MBP: variants seen among roughly 807,000 people sequenced by gnomAD.
MBP encodes the protein myelin basic protein.
A neutral mutation model predicts 35.8 loss-of-function variants in MBP; 16 were observed. The ratio of observed to expected loss-of-function variants is 0.45; its 90% CI spans 0.30 to 0.68. The LOEUF is 0.68. Ranked by LOEUF, MBP falls within the 30% of genes least tolerant of loss-of-function variation. The probability of loss-of-function intolerance (pLI) is 0.08; values close to 1 mark genes in which losing one functional copy is unlikely to be tolerated. For synonymous variants in MBP, 143 were observed against 159.6 expected (o/e 0.90, Z 0.78); for missense variants, 380 against 404.7 (o/e 0.94, Z 0.52).
intron 2 of MBP, among the ~76,000 whole-genome samples, chr18:77,082,819 C>T (rs1167043881): frequency 6.6e-6 from 1 of 152,268 alleles, no homozygotes; most frequent in African/African-American, 2.4e-5. Context: ...ATCCTTCCTC[C>T]CTGCAGCAGC....
intron 8 of MBP, chr18:76,981,524 A>G (rs923927309): frequency 2.0e-5 from 3 of 152,240 alleles, no homozygotes; most frequent in African/African-American, 7.2e-5. Context: ...CCAAGTACAT[A>G]CGTAGCATTA....
chr18:77,075,776 T>C (rs650801), intron 2 of MBP, among the ~76,000 whole-genome samples: 150,246 of 152,252 alleles, frequency 0.99, 74,163 homozygotes, highest in Middle Eastern at 1. Context: ...ACCGCACTAA[T>C]GGGGACTTCC....
intron 3 of MBP, 27 bp from the exon 4 acceptor site, chr18:77,017,295 C>T (rs766521186): frequency 3.3e-6 from 5 of 1,494,724 alleles, no homozygotes; most frequent in African/African-American, 1.4e-5. Flanking sequence ...GATATGAATA[C>T]GGGCCTGTGC....
At chr18:77,021,845 G>A (rs1160545794) in intron 3 of MBP, among the ~76,000 whole-genome samples, 2 of 152,130 alleles carry the variant, frequency 1.3e-5, no homozygotes, top group Non-Finnish European at 2.9e-5. Context: ...ATTTCTCAGT[G>A]TATTTCCCGG....
chr18:77,014,110 G>C, intron 4 of MBP: 1 of 985,442 alleles, frequency 1.0e-6, no homozygotes, highest in Non-Finnish European at 1.2e-6. Context: ...CACAACAAAG[G>C]AGCATGTTCT....
chr18:77,055,458 G>A (rs1973681612), intron 3 of MBP, among the ~76,000 whole-genome samples: 5 of 152,176 alleles, frequency 3.3e-5, no homozygotes, highest in Admixed American at 3.3e-4. Context: ...ATCCTCCCTG[G>A]CTGGGAAAGA....
chr18:76,995,250 T>G (rs186528103), intron 4 of MBP, among the ~76,000 whole-genome samples: 205 of 152,324 alleles, frequency 1.3e-3, no homozygotes, highest in African/African-American at 4.6e-3. Context: ...ATAGTAAAAC[T>G]GTTGATTCTT....
At chr18:77,023,467 G>A (rs1285267388) in intron 3 of MBP, among the ~76,000 whole-genome samples, 1 of 152,062 alleles carries the variant, frequency 6.6e-6, no homozygotes, top group Non-Finnish European at 1.5e-5. Context: ...CTTTCTGCTG[G>A]GGCTCTCACT....
Position 76,980,356 on chromosome 18 carries a change from C to T in MBP, c.*71G>A. 7.2e-7 allele frequency: 1 copy of T among 1,384,928 alleles called. No homozygotes were observed. 85.8% of individuals were successfully genotyped at this position (1,384,928 alleles called of 1,614,324 possible). On this transcript the variant is annotated 3_prime_UTR_variant, in exon 9 of 9. Coordinates refer to ENST00000355994, the MANE Select transcript of MBP (RefSeq NM_001025101.2). ...ATCTGCTCTAATTAGGTAACAGGGG[C>T]AAGTGGGATTAAAGTTTTAAGGCAG...
At chr18:77,007,393 G>C (rs1971046937) in intron 4 of MBP, among the ~76,000 whole-genome samples, 1 of 152,194 alleles carries the variant, frequency 6.6e-6, no homozygotes, top group African/African-American at 2.4e-5. Context: ...GGGGCTCTCA[G>C]ACCAGCCCGC....
At chr18:77,087,094 A>G (rs950510415) in intron 2 of MBP, among the ~76,000 whole-genome samples, 1 of 152,148 alleles carries the variant, frequency 6.6e-6, no homozygotes, top group Non-Finnish European at 1.5e-5. Flanking sequence ...AAAAAACAAC[A>G]ACAACGAAGA....
rs990431198 is a variant in MBP at position 77,014,994 on chromosome 18, T to C, written c.576+1838A>G. The C allele has an allele frequency of 9.1e-6, 9 of 984,942 alleles. No individual in the cohort carries two copies. In the African/African-American group the frequency reaches 1.4e-4, roughly 15 times the overall value. The allele number at this position is 984,942 out of a possible 1,614,324, so 61.0% of individuals were successfully genotyped here. On this transcript the variant is annotated intron_variant, in intron 4 of 8. Transcript: ENST00000355994. ...GGTCCTTGATAATTGGCCAGCCCTGTTTTGCAAAGAGATGGACTATTTCTG... is the reference window on the plus strand; with the variant it reads ...GGTCCTTGATAATTGGCCAGCCCTGCTTTGCAAAGAGATGGACTATTTCTG...
intron 3 of MBP, among the ~76,000 whole-genome samples, chr18:77,050,414 C>CT (rs1973441592): frequency 1.3e-5 from 2 of 152,096 alleles, no homozygotes; most frequent in African/African-American, 2.4e-5. Flanking sequence ...AGATTATTTG[C>CT]TTTTTTTCCT....
intron 2 of MBP, among the ~76,000 whole-genome samples, chr18:77,104,511 G>A (rs1456525748): frequency 6.6e-6 from 1 of 152,204 alleles, no homozygotes; most frequent in African/African-American, 2.4e-5. Flanking sequence ...GATTCAGTGT[G>A]AGTTCTTCCA....
chr18:76,980,558 G>T, intron 8 of MBP, 87 bp from the exon 9 acceptor site: 1 of 1,025,442 alleles, frequency 9.8e-7, no homozygotes, highest in Non-Finnish European at 1.5e-6. Context: ...CCGGGTGGAT[G>T]CTGAGCCATT....
At chr18:77,025,315 C>T (rs1192624030) in intron 3 of MBP, among the ~76,000 whole-genome samples, 1 of 152,294 alleles carries the variant, frequency 6.6e-6, no homozygotes, top group South Asian at 2.1e-4. Flanking sequence ...AGCTGCTTCA[C>T]GGAGGGCTGA....
At chr18:77,038,845 G>C (rs1972875449) in intron 3 of MBP, among the ~76,000 whole-genome samples, 1 of 152,144 alleles carries the variant, frequency 6.6e-6, no homozygotes, top group African/African-American at 2.4e-5. Flanking sequence ...TTTTAAGAGT[G>C]GCCAGAGTTT....
At chr18:77,123,414 T>C (rs924761290) in intron 1 of MBP, among the ~76,000 whole-genome samples, 2 of 152,248 alleles carry the variant, frequency 1.3e-5, no homozygotes, top group African/African-American at 4.8e-5. Context: ...ATTCAATTTA[T>C]CAGTGAAACA....
At position 77,026,682 on chromosome 18, in the gene MBP, G is replaced by A. The variant is rs369364929; in HGVS notation, c.140-9414C>T. Among the ~76,000 whole-genome samples, 99 of 152,100 alleles carry A rather than the reference G, an allele frequency of 6.5e-4. 3 individuals are homozygous for A. In the South Asian group the frequency reaches 0.02, roughly 30 times the overall value. ...GAAGTTTGAGACAACCCTGAGCAAC[G>A]CAGCAAGACCTTGTCTTTACAAAAA... On this transcript the variant is annotated intron_variant, in intron 3 of 8. Transcript: ENST00000355994.
Sources: gnomAD v4.1 joint callset for allele counts (sites outside exome capture counted in the v4.1 genomes callset) on GRCh38, gnomAD v4.1.1 for gene constraint, MANE v1.5 for transcripts, NCBI Gene and HGNC (gene_info 2026-07-23, HGNC 2026-07-21) for gene names.